KCNIP1: variants seen among roughly 807,000 people sequenced by gnomAD.
KCNIP1 encodes the protein A-type potassium channel modulatory protein KCNIP1.
KCNIP1 carries 18 observed loss-of-function variants against 33.0 expected under a neutral mutation model. That is an observed-to-expected ratio of 0.55 (90% CI 0.38 to 0.81). KCNIP1 has a LOEUF of 0.81. KCNIP1 is among the 30% of genes least tolerant of loss of function. The pLI is 0.00. For synonymous variants in KCNIP1, 93 were observed against 98.3 expected, an observed-to-expected ratio of 0.95 and a Z score of 0.32; for missense variants, 238 against 271.6, an observed-to-expected ratio of 0.88 and a Z score of 0.87.
chr5:170,441,547 A>T (rs1755989919), intron 1 of KCNIP1, among the ~76,000 whole-genome samples: 1 of 152,130 alleles, frequency 6.6e-6, no homozygotes, highest in South Asian at 2.1e-4. Context: ...CTCAGGTGCG[A>T]GACTGAGAAG....
Position 170,504,415 on chromosome 5 carries a change from T to C in KCNIP1, c.-158T>C. 5 of 1,464,272 alleles carry C rather than the reference T, an allele frequency of 3.4e-6. No individual in the cohort carries two copies. Among genetic ancestry groups the C allele is most frequent in the Non-Finnish European group, 4.5e-6 (5 of 1,115,248 alleles). 90.7% of individuals were successfully genotyped at this position (1,464,272 alleles called of 1,614,324 possible). On this transcript the variant is annotated 5_prime_UTR_variant, in exon 1 of 8. Coordinates refer to ENST00000328939, the MANE Select transcript of KCNIP1 (RefSeq NM_014592.4). This position sits in a 1 kb window ranked among gnomAD's most constrained non-coding sequence, Gnocchi z 6.0. ...CTGAAGAAGGAAGCCAGAAGCCTCC[T>C]AGCCTCGCCTCCACGCTTGCTGAAT...
chr5:170,604,226 C>T (rs796436766), intron 1 of KCNIP1, among the ~76,000 whole-genome samples: 77 of 152,128 alleles, frequency 5.1e-4, no homozygotes, highest in African/African-American at 1.6e-3. Context: ...CTCAGGTCCT[C>T]GCTATTAGGA....
At chr5:170,661,069 G>A (rs1271778507) in intron 1 of KCNIP1, among the ~76,000 whole-genome samples, 1 of 152,222 alleles carries the variant, frequency 6.6e-6, no homozygotes, top group Non-Finnish European at 1.5e-5. Flanking sequence ...GGGGCATTTG[G>A]TGAGACAGAA....
At chr5:170,414,475 A>G (rs1037361666) in intron 1 of KCNIP1, among the ~76,000 whole-genome samples, 1 of 152,222 alleles carries the variant, frequency 6.6e-6, no homozygotes, top group South Asian at 2.1e-4. Flanking sequence ...GCTATAACCA[A>G]CCCAGCTGTT....
At chr5:170,671,077 C>T (rs1561754579) in intron 1 of KCNIP1, among the ~76,000 whole-genome samples, 1 of 152,032 alleles carries the variant, frequency 6.6e-6, no homozygotes, top group Non-Finnish European at 1.5e-5. Context: ...AGTTCATACC[C>T]CACAATCTCT....
At chr5:170,716,151 A>C (rs1375362325) in intron 1 of KCNIP1, among the ~76,000 whole-genome samples, 3 of 152,246 alleles carry the variant, frequency 2.0e-5, no homozygotes, top group South Asian at 2.1e-4. Context: ...TGAGGTTGCC[A>C]CAGCTGTAGA....
chr5:170,697,970 G>T, intron 1 of KCNIP1, among the ~76,000 whole-genome samples: 1 of 152,060 alleles, frequency 6.6e-6, no homozygotes, highest in Non-Finnish European at 1.5e-5. Context: ...TTAATAACAA[G>T]TCCTGCCCTT....
At chr5:170,641,702 C>G (rs1760568874) in intron 1 of KCNIP1, among the ~76,000 whole-genome samples, 1 of 152,184 alleles carries the variant, frequency 6.6e-6, no homozygotes, top group South Asian at 2.1e-4. Context: ...GGAACCGGCT[C>G]CATTGTCTGT....
chr5:170,581,403 C>A (rs1053344785), intron 1 of KCNIP1, among the ~76,000 whole-genome samples: 1 of 152,220 alleles, frequency 6.6e-6, no homozygotes, highest in African/African-American at 2.4e-5. Flanking sequence ...GTCTTCTCAT[C>A]CAGCAGTGAC....
chr5:170,484,708 C>T (rs990729609), intron 1 of KCNIP1, among the ~76,000 whole-genome samples: 1 of 151,318 alleles, frequency 6.6e-6, no homozygotes, highest in Non-Finnish European at 1.5e-5. Context: ...TTCCCTCTCC[C>T]TCTCTTCCTT....
intron 1 of KCNIP1, among the ~76,000 whole-genome samples, chr5:170,365,528 G>T (rs760909123): frequency 6.6e-6 from 1 of 152,180 alleles, no homozygotes; most frequent in Non-Finnish European, 1.5e-5. Context: ...GGAACCTGCC[G>T]CTGGGAAAGG....
chr5:170,522,178 C>G (rs1301782468), intron 1 of KCNIP1, among the ~76,000 whole-genome samples: 1 of 152,172 alleles, frequency 6.6e-6, no homozygotes, highest in African/African-American at 2.4e-5. Context: ...GCTCAAGGAC[C>G]AGAGGTCAGC....
In KCNIP1 at chr5:170,404,483, C is replaced by T. The variant is rs368744578; in HGVS notation, c.88+50519C>T. On this transcript the variant is annotated intron_variant, in intron 1 of 7. Transcript: ENST00000377360. Reference sequence around the variant, plus strand: ...GGGCTAGGCTGATCTCAGCTAGGATCACTCATGTACTTGCAGTCAGTCGGT... The same window carrying T: ...GGGCTAGGCTGATCTCAGCTAGGATTACTCATGTACTTGCAGTCAGTCGGT... Among the ~76,000 whole-genome samples the T allele has an allele frequency of 9.2e-5, 14 of 152,254 alleles. No individual in the cohort carries two copies. The East Asian group carries it at 1.5e-3, about 17-fold the overall frequency.
At chr5:170,435,926 C>T (rs756003471) in intron 1 of KCNIP1, among the ~76,000 whole-genome samples, 12 of 152,138 alleles carry the variant, frequency 7.9e-5, no homozygotes, top group Non-Finnish European at 1.8e-4. Flanking sequence ...CCTTCTTAAG[C>T]CAGGGCCTGC....
chr5:170,360,077 G>A (rs772217335), intron 1 of KCNIP1, among the ~76,000 whole-genome samples: 1 of 152,180 alleles, frequency 6.6e-6, no homozygotes, highest in Non-Finnish European at 1.5e-5. Flanking sequence ...CCACAGCCCT[G>A]GGAGAAGTGG....
intron 1 of KCNIP1, among the ~76,000 whole-genome samples, chr5:170,460,304 T>C (rs180887953): frequency 1.3e-5 from 2 of 151,930 alleles, no homozygotes; most frequent in African/African-American, 2.4e-5. Flanking sequence ...TTCCACAAGA[T>C]AGAGAAAGAA....
chr5:170,396,743 T>C (rs1188567073), intron 1 of KCNIP1, among the ~76,000 whole-genome samples: 1 of 152,166 alleles, frequency 6.6e-6, no homozygotes, highest in Non-Finnish European at 1.5e-5. Flanking sequence ...GTTATTATTA[T>C]ATAGATGAAG....
intron 1 of KCNIP1, among the ~76,000 whole-genome samples, chr5:170,387,744 G>A (rs913938489): frequency 2.6e-5 from 4 of 152,274 alleles, no homozygotes; most frequent in East Asian, 3.9e-4. Flanking sequence ...TCTACCTGGC[G>A]TCAGTTGAAC....
intron 1 of KCNIP1, among the ~76,000 whole-genome samples, chr5:170,431,898 C>A (rs1755750424): frequency 6.6e-6 from 1 of 152,246 alleles, no homozygotes; most frequent in African/African-American, 2.4e-5. Context: ...CCTGCCTCTG[C>A]TGTCCCCCAG....
Sources: gnomAD v4.1 joint callset for allele counts (sites outside exome capture counted in the v4.1 genomes callset) on GRCh38, gnomAD v4.1.1 for gene constraint, Gnocchi (gnomAD v3.1) non-coding constraint, MANE v1.5 for transcripts, NCBI Gene and HGNC (gene_info 2026-07-23, HGNC 2026-07-21) for gene names.